PCDHA12: variants seen among roughly 807,000 people sequenced by gnomAD.
PCDHA12 encodes protocadherin alpha-12.
Under a neutral mutation model 60.0 loss-of-function variants are expected in PCDHA12, and 44 were observed. That is an observed-to-expected ratio of 0.73 (90% CI 0.58 to 0.94). The LOEUF (loss-of-function observed/expected upper bound fraction) is 0.94. Ranked by LOEUF, PCDHA12 falls within the 40% of genes least tolerant of loss-of-function variation. The pLI is 0.00. For synonymous variants in PCDHA12, 569 were observed against 553.0 expected (o/e 1.03, Z -0.40); for missense variants, 1,276 against 1,239.7 (o/e 1.03, Z -0.44).
rs1342030965 is a variant in PCDHA12 at position 140,955,208 on chromosome 5, C to G, written c.2368-23741C>G. ...GGTGTATATGAAGTCAATCAAGTAG[C>G]ATGATGCCTCCAGCTTTGTTCTTTT... On this transcript the variant is annotated intron_variant, in intron 1 of 3. Transcript: ENST00000398631. 2.6e-5 allele frequency among the ~76,000 whole-genome samples: 4 copies of G among 152,140 alleles called. No individual in the cohort carries two copies. In the East Asian group the frequency reaches 7.7e-4, roughly 29 times the overall value.
intron 1 of PCDHA12, chr5:140,969,054 A>G (rs782226153): frequency 6.2e-7 from 1 of 1,614,182 alleles, no homozygotes; most frequent in South Asian, 1.1e-5. Context: ...GCCAACAACA[A>G]TATTGATGCC....
chr5:140,903,367 T>G (rs1247838310), intron 1 of PCDHA12, among the ~76,000 whole-genome samples: 1 of 152,188 alleles, frequency 6.6e-6, no homozygotes, highest in African/African-American at 2.4e-5. Flanking sequence ...TTCAAAAATA[T>G]AGGGAGGATT....
At chr5:140,894,973 C>G (rs1297295605) in intron 1 of PCDHA12, among the ~76,000 whole-genome samples, 1 of 152,076 alleles carries the variant, frequency 6.6e-6, no homozygotes, top group Non-Finnish European at 1.5e-5. Context: ...TTTTTAATGT[C>G]TTACTTTGTG....
At chr5:140,952,338 CAA>C (rs55931446) in intron 1 of PCDHA12, among the ~76,000 whole-genome samples, 119 of 135,000 alleles carry the variant, frequency 8.8e-4, no homozygotes, top group Admixed American at 1.8e-3. Flanking sequence ...AACTCCATCT[CAA>C]AAAAAAAAAA....
intron 1 of PCDHA12, among the ~76,000 whole-genome samples, chr5:140,925,297 A>G (rs572435227): frequency 6.6e-6 from 1 of 152,246 alleles, no homozygotes; most frequent in Non-Finnish European, 1.5e-5. Context: ...ATGTTTCATT[A>G]TTGGGGCTTT....
At chr5:140,923,826 T>C (rs2081533545) in intron 1 of PCDHA12, among the ~76,000 whole-genome samples, 1 of 152,218 alleles carries the variant, frequency 6.6e-6, no homozygotes, top group African/African-American at 2.4e-5. Context: ...TAGACGTCAG[T>C]GGCAGTTTAA....
chr5:140,913,489 G>C (rs1428566821), intron 1 of PCDHA12, among the ~76,000 whole-genome samples: 1 of 151,754 alleles, frequency 6.6e-6, no homozygotes, highest in Non-Finnish European at 1.5e-5. Context: ...TTCTTCATTA[G>C]TCTGTTTAAA....
At chr5:140,968,027 C>G in intron 1 of PCDHA12, 2 of 1,614,200 alleles carry the variant, frequency 1.2e-6, no homozygotes, top group Middle Eastern at 1.6e-4. Flanking sequence ...CTCCTATACA[C>G]TGGTGGTGAG....
chr5:140,885,083 C>T (rs1359793188), intron 1 of PCDHA12, among the ~76,000 whole-genome samples: 3 of 151,992 alleles, frequency 2.0e-5, no homozygotes, highest in Admixed American at 6.5e-5. Context: ...TAAAGAGCCC[C>T]ATAACTTTTC....
intron 1 of PCDHA12, among the ~76,000 whole-genome samples, chr5:140,935,149 T>C (rs1241997966): frequency 6.6e-6 from 1 of 152,192 alleles, no homozygotes; most frequent in Admixed American, 6.5e-5. Context: ...CTTAGAGATA[T>C]AATCTCAACA....
intron 1 of PCDHA12, among the ~76,000 whole-genome samples, chr5:140,904,096 T>C (rs2153483454): frequency 6.6e-6 from 1 of 152,312 alleles, no homozygotes; most frequent in Admixed American, 6.5e-5. Flanking sequence ...AATAACTACT[T>C]TAGTGGTCAT....
Position 140,877,109 on chromosome 5 carries a change from G to A in PCDHA12, c.1637G>A (p.Gly546Asp), listed in dbSNP as rs370191624. ...CGCGACGCCGGCGTGCCGCCTCTGG[G>A]CAGCAACGTGACGCTGCAGGTGTTC... is the stretch of plus-strand genomic sequence containing the variant. ...SARDAGVPPLGSNVTLQVFVL... is the reference protein window; with the variant it reads ...SARDAGVPPLDSNVTLQVFVL... The change falls in exon 1 of 4, where the codon GGC becomes GAC. Residue 546 changes from glycine (G) to aspartate (D), a missense_variant. By Grantham distance (94) the Gly-to-Asp change is moderately conservative. Transcript: ENST00000398631. The A allele has an allele frequency of 9.3e-6, 15 of 1,613,472 alleles. No individual in the cohort carries two copies. In the African/African-American group the frequency reaches 1.9e-4, roughly 20 times the overall value.
intron 1 of PCDHA12, among the ~76,000 whole-genome samples, chr5:140,932,017 G>GT (rs1385498128): frequency 2.6e-5 from 4 of 151,792 alleles, no homozygotes; most frequent in African/African-American, 9.7e-5. Context: ...TTAGTTTACG[G>GT]TAAGTTTACA....
At chr5:140,924,987 TC>T (rs1458982480) in intron 1 of PCDHA12, among the ~76,000 whole-genome samples, 4 of 151,232 alleles carry the variant, frequency 2.6e-5, no homozygotes, top group Admixed American at 6.6e-5. Context: ...ATGTCTGTAA[TC>T]CTAGCACTTT....
intron 1 of PCDHA12, among the ~76,000 whole-genome samples, chr5:140,914,220 C>A (rs1210445622): frequency 6.6e-6 from 1 of 152,212 alleles, no homozygotes; most frequent in South Asian, 2.1e-4. Flanking sequence ...TCTCTTTTAG[C>A]TCTAATACTA....
At chr5:140,877,992 A>G (rs572306139) in intron 1 of PCDHA12, 153 bp downstream of exon 1, 7 of 1,096,526 alleles carry the variant, frequency 6.4e-6, no homozygotes, top group Non-Finnish European at 8.6e-6. Flanking sequence ...TTGAACTTTT[A>G]TGTATTTGTC....
chr5:140,971,799 TTA>T (rs1435483264), intron 1 of PCDHA12, among the ~76,000 whole-genome samples: 2 of 152,164 alleles, frequency 1.3e-5, no homozygotes, highest in East Asian at 3.8e-4. Flanking sequence ...ATATTGAATA[TTA>T]TAATATTGAA....
chr5:140,915,363 G>C (rs1554196864), intron 1 of PCDHA12, among the ~76,000 whole-genome samples: 1 of 152,136 alleles, frequency 6.6e-6, no homozygotes, highest in Non-Finnish European at 1.5e-5. Context: ...ATTCTTACCA[G>C]TAAGTGTCTC....
rs71583613 is a variant in PCDHA12 at position 141,001,265 on chromosome 5, T to G, written c.2516-8362T>G. 5.1e-4 allele frequency among the ~76,000 whole-genome samples: 78 copies of G among 152,286 alleles called. No individual in the cohort carries two copies. In the Middle Eastern group the frequency reaches 0.01, roughly 20 times the overall value. On this transcript the variant is annotated intron_variant, in intron 3 of 3. Transcript: ENST00000398631. ...CAACCCTATGGGGCGGGCACTCTTATGAACTTTTTTTACGGATGAAAACTG... is the reference window on the plus strand; with the variant it reads ...CAACCCTATGGGGCGGGCACTCTTAGGAACTTTTTTTACGGATGAAAACTG...
Sources: allele counts gnomAD v4.1 joint callset (sites outside exome capture counted in the v4.1 genomes callset), GRCh38; gene constraint gnomAD v4.1.1; transcripts MANE v1.5; gene names NCBI Gene and HGNC (gene_info 2026-07-23, HGNC 2026-07-21).